Variants in SDK1 observed in about 807,000 individuals in gnomAD.
The protein encoded by SDK1 is sidekick cell adhesion molecule 1, also known as protein sidekick-1.
A neutral mutation model predicts 245.5 loss-of-function variants in SDK1; 157 were observed. The ratio of observed to expected loss-of-function variants is 0.64; its 90% CI spans 0.56 to 0.73. The LOEUF (loss-of-function observed/expected upper bound fraction) is 0.73. Among genes scored for constraint, SDK1 ranks in the 30% least tolerant of loss-of-function variants. The probability of loss-of-function intolerance (pLI) is 0.00; values close to 1 mark genes in which losing one functional copy is unlikely to be tolerated. For missense variants in SDK1, 3,583 were observed against 3,002.3 expected (o/e 1.19, Z -4.52); for synonymous variants, 1,647 against 1,278.5 (o/e 1.29, Z -6.15).
At chr7:3,584,787 G>T (rs187873034) in intron 1 of SDK1, among the ~76,000 whole-genome samples, 1 of 151,290 alleles carries the variant, frequency 6.6e-6, no homozygotes, top group East Asian at 2.0e-4. Flanking sequence ...GCAGTGGCGC[G>T]ATCTGGGCTC....
chr7:4,019,981 A>G (rs1221468553), intron 17 of SDK1, among the ~76,000 whole-genome samples: 1 of 152,010 alleles, frequency 6.6e-6, no homozygotes, highest in Non-Finnish European at 1.5e-5. Context: ...GGGATGGTAA[A>G]TGCCTCTGGG....
chr7:3,373,392 A>G (rs7798141), intron 1 of SDK1, among the ~76,000 whole-genome samples: 74,100 of 152,082 alleles, frequency 0.49, 19,356 homozygotes, highest in East Asian at 0.62. Context: ...CAAATTATGA[A>G]CAAGTCAATG....
intron 1 of SDK1, among the ~76,000 whole-genome samples, chr7:3,496,579 G>A (rs1782033204): frequency 6.6e-6 from 1 of 152,028 alleles, no homozygotes; most frequent in Admixed American, 6.6e-5. Context: ...ATTTGAAACA[G>A]GTTGCTTGGT....
chr7:3,358,182 C>T (rs561791736), intron 1 of SDK1, among the ~76,000 whole-genome samples: 1 of 152,176 alleles, frequency 6.6e-6, no homozygotes, highest in Non-Finnish European at 1.5e-5. Context: ...CCACCACCCC[C>T]AGCTAATTTT....
intron 5 of SDK1, among the ~76,000 whole-genome samples, chr7:3,830,765 G>T (rs1779894468): frequency 6.6e-6 from 1 of 152,138 alleles, no homozygotes; most frequent in African/African-American, 2.4e-5. Context: ...CCAAAGTGCT[G>T]GGATTACAAG....
At chr7:3,796,037 C>T (rs769968658) in intron 4 of SDK1, among the ~76,000 whole-genome samples, 90 of 152,194 alleles carry the variant, frequency 5.9e-4, no homozygotes, top group Non-Finnish European at 1.2e-3. Context: ...AACCAGCCTG[C>T]TCTGGAGTTC....
intron 35 of SDK1, among the ~76,000 whole-genome samples, chr7:4,190,960 C>CG (rs1219834009): frequency 2.0e-5 from 3 of 152,164 alleles, no homozygotes; most frequent in Non-Finnish European, 4.4e-5. Context: ...CTTCTCTGGG[C>CG]GGGGGCTCTC....
chr7:3,410,059 A>G (rs1779158476), intron 1 of SDK1, among the ~76,000 whole-genome samples: 1 of 152,174 alleles, frequency 6.6e-6, no homozygotes, highest in African/African-American at 2.4e-5. Context: ...GAATGAAATG[A>G]ATTGATATAT....
At chr7:3,497,936 C>T (rs73050187) in intron 1 of SDK1, among the ~76,000 whole-genome samples, 4,190 of 152,188 alleles carry the variant, frequency 0.028, 74 homozygotes, top group Middle Eastern at 0.041. Context: ...ATACTTTTTC[C>T]AAAGTTTCCC....
chr7:3,679,779 G>A (rs1423692475), intron 4 of SDK1, among the ~76,000 whole-genome samples: 1 of 152,200 alleles, frequency 6.6e-6, no homozygotes, highest in Non-Finnish European at 1.5e-5. Flanking sequence ...GTAAAGAAAT[G>A]GGATCAGTCC....
intron 4 of SDK1, among the ~76,000 whole-genome samples, chr7:3,728,832 C>T (rs554134828): frequency 6.6e-6 from 1 of 152,136 alleles, no homozygotes. Flanking sequence ...TCTCAAACTC[C>T]TGACCTCAGG....
chr7:3,902,837 A>G (rs1050532367), intron 5 of SDK1, among the ~76,000 whole-genome samples: 29 of 149,480 alleles, frequency 1.9e-4, no homozygotes, highest in African/African-American at 7.1e-4. Context: ...TTGCTGAAAT[A>G]AGAATATAGC....
chr7:3,840,168 G>A (rs1780121942), intron 5 of SDK1, among the ~76,000 whole-genome samples: 1 of 152,100 alleles, frequency 6.6e-6, no homozygotes, highest in Admixed American at 6.5e-5. Context: ...GAGTACCTGG[G>A]CAAAAATATC....
At chr7:3,932,837 G>T (rs1220480857) in intron 5 of SDK1, among the ~76,000 whole-genome samples, 1 of 152,182 alleles carries the variant, frequency 6.6e-6, no homozygotes, top group Non-Finnish European at 1.5e-5. Context: ...AAAAGAGAGG[G>T]ACAGAGAGAC....
At chr7:4,142,593 C>T (rs1171088033) in intron 28 of SDK1, among the ~76,000 whole-genome samples, 4 of 152,170 alleles carry the variant, frequency 2.6e-5, no homozygotes, top group African/African-American at 9.6e-5. Context: ...TCCCAAAGTG[C>T]TGAGATTACA....
chr7:3,683,767 G>A (rs1583304267), intron 4 of SDK1, among the ~76,000 whole-genome samples: 1 of 152,192 alleles, frequency 6.6e-6, no homozygotes, highest in East Asian at 1.9e-4. Flanking sequence ...TTAGACACAT[G>A]CATTACACGG....
chr7:3,824,955 A>G (rs913906133), intron 5 of SDK1, among the ~76,000 whole-genome samples: 4 of 152,136 alleles, frequency 2.6e-5, no homozygotes, highest in Non-Finnish European at 5.9e-5. Flanking sequence ...GTAGGGAAGG[A>G]GAGGATTTCC....
intron 14 of SDK1, among the ~76,000 whole-genome samples, chr7:4,002,054 C>T (rs535530578): frequency 6.6e-6 from 1 of 152,372 alleles, no homozygotes; most frequent in East Asian, 1.9e-4. Context: ...TGGAATTCTA[C>T]AGTGCCACTA....
At chr7:4,130,138 C>T (rs1784705755) in intron 27 of SDK1, 41 bp downstream of exon 27, 9 of 1,514,400 alleles carry the variant, frequency 5.9e-6, no homozygotes, top group Non-Finnish European at 8.0e-6. Context: ...TTGCTGCCTC[C>T]CAGGTTGGCC....
Sources: gnomAD v4.1 joint callset for allele counts (sites outside exome capture counted in the v4.1 genomes callset) on GRCh38, gnomAD v4.1.1 for gene constraint, MANE v1.5 for transcripts, NCBI Gene and HGNC (gene_info 2026-07-23, HGNC 2026-07-21) for gene names.